Variants in GPC3 observed in about 807,000 individuals in gnomAD.
GPC3 encodes glypican-3.
GPC3 carries 3 observed loss-of-function variants against 34.4 expected under a neutral mutation model. That is an observed-to-expected ratio of 0.09 (90% confidence interval 0.04 to 0.23). The LOEUF is 0.23. Among genes scored for constraint, GPC3 ranks in the 10% least tolerant of loss-of-function variants. The pLI, the probability that GPC3 is intolerant of heterozygous loss-of-function variation, is 1.00. For synonymous variants in GPC3, 177 were observed against 174.0 expected (o/e 1.02, Z -0.13); for missense variants, 351 against 445.6 (o/e 0.79, Z 1.91).
intron 2 of GPC3, among the ~76,000 whole-genome samples, chrX:133,802,419 G>C (rs1569436103): frequency 8.9e-6 from 1 of 112,065 alleles, no homozygotes; most frequent in Non-Finnish European, 1.9e-5. Flanking sequence ...CCTGCAAACT[G>C]TTTTGTATAA....
In GPC3 at chrX:133,886,350, A is replaced by T. The variant is rs113098035; in HGVS notation, c.337+66700T>A. On this transcript the variant is annotated intron_variant, in intron 2 of 7. Coordinates refer to ENST00000370818, the MANE Select transcript of GPC3 (RefSeq NM_004484.4). ...ATAGTGAGACTCCTGTCCCTATTTT[A>T]AAAAAAAAAAAAAAGGTAGGGGAGT... Among the ~76,000 whole-genome samples, 95 of 97,903 alleles carry T rather than the reference A, an allele frequency of 9.7e-4. No homozygotes were observed. The South Asian group carries it at 0.012, about 12-fold the overall frequency. 85.0% of individuals were successfully genotyped at this position (97,903 alleles called of 115,157 possible). A position where few individuals can be genotyped will look rare whatever the true frequency, so the allele number is the denominator to read the frequency against.
intron 1 of GPC3, among the ~76,000 whole-genome samples, chrX:133,958,912 C>T (rs909271608): frequency 1.0e-4 from 11 of 108,201 alleles, no homozygotes; most frequent in Non-Finnish European, 1.9e-5. Flanking sequence ...AAATTCCAAA[C>T]ATCTTGAAGA....
chrX:133,658,780 C>A (rs1327308364), intron 6 of GPC3, among the ~76,000 whole-genome samples: 1 of 111,608 alleles, frequency 9.0e-6, no homozygotes, highest in African/African-American at 3.3e-5. Context: ...TATTCATGGC[C>A]AGAGGTAGGA....
At chrX:133,705,142 T>C (rs2071203111) in intron 3 of GPC3, among the ~76,000 whole-genome samples, 1 of 112,139 alleles carries the variant, frequency 8.9e-6, no homozygotes, top group Non-Finnish European at 1.9e-5. Flanking sequence ...CCATTCTCCA[T>C]TCTCTTCACT....
chrX:133,865,279 G>A (rs1048305510), intron 2 of GPC3, among the ~76,000 whole-genome samples: 4 of 112,550 alleles, frequency 3.6e-5, no homozygotes, highest in African/African-American at 1.3e-4. Flanking sequence ...GAAGCAACAA[G>A]AGTCCTTTTT....
chrX:133,638,821 T>TAAAAAAAAAAAAA (rs781612003), intron 6 of GPC3, among the ~76,000 whole-genome samples: 1 of 72,773 alleles, frequency 1.4e-5, no homozygotes, highest in African/African-American at 6.6e-5. Flanking sequence ...GCTGATGAGC[T>TAAAAAAAAAAAAA]AAAAAAAAAA....
intron 3 of GPC3, among the ~76,000 whole-genome samples, chrX:133,709,178 GA>G (rs772482680): frequency 1.7e-4 from 19 of 111,480 alleles, no homozygotes; most frequent in Non-Finnish European, 3.2e-4. Flanking sequence ...ATCCAACTTA[GA>G]AAAAAAAGTG....
At position 133,781,121 on chromosome X, in the gene GPC3, T is replaced by C. The variant is rs747164789; in HGVS notation, c.338-26945A>G. On this transcript the variant is annotated intron_variant, in intron 2 of 7. Coordinates refer to ENST00000370818, the MANE Select transcript of GPC3 (RefSeq NM_004484.4). ...AATTCTGTATTTCTTTCATTATTTT[T>C]CTCTCTGAATCGATCCTCTGTATCT... Among the ~76,000 whole-genome samples, 10 of 111,926 alleles carry C rather than the reference T, an allele frequency of 8.9e-5. No individual in the cohort carries two copies. In the East Asian group the frequency reaches 2.8e-3, roughly 31 times the overall value.
chrX:133,871,693 G>T (rs1214862461), intron 2 of GPC3, among the ~76,000 whole-genome samples: 1 of 111,848 alleles, frequency 8.9e-6, no homozygotes, highest in African/African-American at 3.2e-5. Context: ...AAGTGATTAG[G>T]TGATATATAG....
chrX:133,553,350 TG>T lies in GPC3; in HGVS notation c.1574-17058del, dbSNP rs2069453587. Among the ~76,000 whole-genome samples, 6 of 111,863 alleles carry T rather than the reference TG, an allele frequency of 5.4e-5. No individual in the cohort carries two copies. The South Asian group carries it at 2.3e-3, about 42-fold the overall frequency. ...TTCTGTAGGGCCAATAAGGAATCCA[TG>T]TTTAAACACATTAAAATGCAATCAA... On this transcript the variant is annotated intron_variant, in intron 7 of 7. Coordinates refer to ENST00000370818, the MANE Select transcript of GPC3 (RefSeq NM_004484.4).
chrX:133,566,257 T>C (rs1179561451), intron 7 of GPC3, among the ~76,000 whole-genome samples: 1 of 111,638 alleles, frequency 9.0e-6, no homozygotes, highest in Non-Finnish European at 1.9e-5. Context: ...ATATTGCCGA[T>C]TCCAGCAAGA....
Position 133,588,196 on chromosome X carries a change from TG to T in GPC3, c.1573+8243del. Among the ~76,000 whole-genome samples, 3 of 111,438 alleles carry T rather than the reference TG, an allele frequency of 2.7e-5. No individual in the cohort carries two copies. The South Asian group carries it at 1.1e-3, about 43-fold the overall frequency. On this transcript the variant is annotated intron_variant, in intron 7 of 7. Transcript: ENST00000370818. ...ACAACTTACGTGACAAAGATCTGAA[TG>T]GTGCATTTCCAAAGAGCACAAAGGA...
chrX:133,660,034 G>A (rs12013027), intron 6 of GPC3, among the ~76,000 whole-genome samples: 228 of 111,755 alleles, frequency 2.0e-3, no homozygotes, highest in African/African-American at 7.2e-3. Context: ...GCTCAGTTAG[G>A]TAGACACTGC....
intron 2 of GPC3, among the ~76,000 whole-genome samples, chrX:133,867,764 G>A (rs952818580): frequency 1.5e-4 from 16 of 106,912 alleles, no homozygotes; most frequent in African/African-American, 5.1e-4. Context: ...TGAACCCCAG[G>A]CTCCAGGAGC....
At chrX:133,641,562 A>G (rs970036292) in intron 6 of GPC3, among the ~76,000 whole-genome samples, 1 of 110,827 alleles carries the variant, frequency 9.0e-6, no homozygotes, top group African/African-American at 3.3e-5. Flanking sequence ...AGGCCAGGGG[A>G]TGGTGAGAGA....
At chrX:133,848,292 G>A (rs2075855926) in intron 2 of GPC3, among the ~76,000 whole-genome samples, 1 of 111,510 alleles carries the variant, frequency 9.0e-6, no homozygotes, top group Non-Finnish European at 1.9e-5. Context: ...ATTGGAGTTG[G>A]GGGAGTGGTT....
intron 1 of GPC3, among the ~76,000 whole-genome samples, chrX:133,960,387 C>T (rs1311876458): frequency 9.0e-6 from 1 of 111,212 alleles, no homozygotes; most frequent in East Asian, 2.8e-4. Context: ...TAAATAATCC[C>T]TCAAGGTCAC....
intron 2 of GPC3, among the ~76,000 whole-genome samples, chrX:133,895,179 G>A (rs1390453038): frequency 8.9e-6 from 1 of 111,848 alleles, no homozygotes; most frequent in African/African-American, 3.3e-5. Flanking sequence ...ACTGTGAATG[G>A]GGACTGATGA....
intron 2 of GPC3, among the ~76,000 whole-genome samples, chrX:133,911,827 AACATCTCAATG>A (rs1340578569): frequency 8.9e-6 from 1 of 111,983 alleles, no homozygotes; most frequent in African/African-American, 3.2e-5. Flanking sequence ...TGGCATGTGC[AACATCTCAATG>A]AGATGTTGTC....
Sources: allele counts gnomAD v4.1 joint callset (sites outside exome capture counted in the v4.1 genomes callset), GRCh38; gene constraint gnomAD v4.1.1; transcripts MANE v1.5; gene names NCBI Gene and HGNC (gene_info 2026-07-23, HGNC 2026-07-21).